The following PGS1 variants were observed in gnomAD, a reference collection of about 807,000 sequenced individuals.
PGS1 encodes the protein phosphatidylglycerophosphate synthase 1.
Under a neutral mutation model 58.3 loss-of-function variants are expected in PGS1, and 44 were observed. The ratio of observed to expected loss-of-function variants is 0.75; its 90% CI spans 0.59 to 0.97. PGS1 has a LOEUF of 0.97. Among genes scored for constraint, PGS1 ranks in the 50% least tolerant of loss-of-function variants. PGS1 has a pLI of 0.00. For synonymous variants in PGS1, 330 were observed against 311.0 expected (o/e 1.06, Z -0.64); for missense variants, 684 against 731.1 (o/e 0.94, Z 0.74).
At chr17:78,402,928 G>A (rs752427421) in intron 6 of PGS1, among the ~76,000 whole-genome samples, 4 of 152,006 alleles carry the variant, frequency 2.6e-5, no homozygotes, top group Non-Finnish European at 4.4e-5. Flanking sequence ...CCAGTGTCTT[G>A]TCCGAATACA....
chr17:78,423,348 G>T (rs1467236210), intron 9 of PGS1, among the ~76,000 whole-genome samples: 1 of 152,166 alleles, frequency 6.6e-6, no homozygotes, highest in East Asian at 1.9e-4. Context: ...TGGGGGCGGG[G>T]GCTTGGGTGT....
At chr17:78,415,177 G>C in intron 8 of PGS1, 150 bp downstream of exon 8, 3 of 868,886 alleles carry the variant, frequency 3.5e-6, no homozygotes, top group Non-Finnish European at 5.3e-6. Context: ...GTCTCCAAGA[G>C]TGCAGTGATG....
intron 8 of PGS1, among the ~76,000 whole-genome samples, chr17:78,415,476 C>A (rs2085101376): frequency 6.6e-6 from 1 of 152,102 alleles, no homozygotes; most frequent in Admixed American, 6.5e-5. Flanking sequence ...ACTAAAAATG[C>A]AAGAAAGTAG....
intron 9 of PGS1, among the ~76,000 whole-genome samples, chr17:78,422,947 T>A (rs1297964404): frequency 2.0e-5 from 3 of 151,982 alleles, no homozygotes; most frequent in Non-Finnish European, 4.4e-5. Flanking sequence ...AATAAAAAAA[T>A]TAGCTGCGTG....
At chr17:78,398,046 G>A (rs541868515) in intron 3 of PGS1, 10 of 638,342 alleles carry the variant, frequency 1.6e-5, no homozygotes, top group African/African-American at 5.4e-5. Context: ...GGCCTGGGCC[G>A]ATCAGGCCCC....
chr17:78,411,113 G>A (rs2084651937), intron 7 of PGS1, among the ~76,000 whole-genome samples: 1 of 152,228 alleles, frequency 6.6e-6, no homozygotes, highest in Non-Finnish European at 1.5e-5. Flanking sequence ...CAGTTGGCCT[G>A]AGTGAAGAGG....
chr17:78,384,226 A>T (rs573842042), intron 1 of PGS1, among the ~76,000 whole-genome samples: 1 of 152,158 alleles, frequency 6.6e-6, no homozygotes, highest in Non-Finnish European at 1.5e-5. Context: ...CGGACTTGTT[A>T]TGGGAGTTCA....
At chr17:78,387,541 T>C (rs1246671256) in intron 1 of PGS1, among the ~76,000 whole-genome samples, 1 of 151,322 alleles carries the variant, frequency 6.6e-6, no homozygotes, top group Non-Finnish European at 1.5e-5. Context: ...TCAGGTGATA[T>C]GCCCGCCTTG....
intron 7 of PGS1, among the ~76,000 whole-genome samples, chr17:78,412,442 A>T (rs1373945625): frequency 6.6e-6 from 1 of 152,194 alleles, no homozygotes; most frequent in Non-Finnish European, 1.5e-5. Context: ...ACAGATACGT[A>T]TACAGTCTAT....
chr17:78,409,391 G>A (rs2084432510), intron 7 of PGS1, among the ~76,000 whole-genome samples: 1 of 152,254 alleles, frequency 6.6e-6, no homozygotes, highest in South Asian at 2.1e-4. Flanking sequence ...AGGGAAATCT[G>A]TTAATGGTTG....
At chr17:78,386,808 T>C (rs2082415133) in intron 1 of PGS1, among the ~76,000 whole-genome samples, 1 of 152,084 alleles carries the variant, frequency 6.6e-6, no homozygotes, top group Non-Finnish European at 1.5e-5. Flanking sequence ...GGAGTTACAT[T>C]GTGGAAAGCC....
intron 7 of PGS1, among the ~76,000 whole-genome samples, chr17:78,412,522 G>A (rs867708207): frequency 2.0e-5 from 3 of 152,216 alleles, no homozygotes; most frequent in Non-Finnish European, 4.4e-5. Context: ...ACTGGAGGTG[G>A]CCTGTCTGCC....
chr17:78,379,519 A>T (rs1239873715), intron 1 of PGS1, among the ~76,000 whole-genome samples: 1 of 151,744 alleles, frequency 6.6e-6, no homozygotes, highest in Non-Finnish European at 1.5e-5. Flanking sequence ...TGCTAATATT[A>T]AAAAAAAGGG....
chr17:78,410,073 TGTACCCCAGTGTGG>T (rs2084502642), intron 7 of PGS1, among the ~76,000 whole-genome samples: 1 of 152,120 alleles, frequency 6.6e-6, no homozygotes, highest in African/African-American at 2.4e-5. Flanking sequence ...CTCGTGCCAC[TGTACCCCAGTGTGG>T]GTGAGACTCC....
chr17:78,404,197 C>G, intron 7 of PGS1, 108 bp downstream of exon 7: 1 of 1,228,488 alleles, frequency 8.1e-7, no homozygotes. Context: ...CTTCTCCCTT[C>G]CTACCTTCCC....
At chr17:78,385,552 G>A (rs1040130814) in intron 1 of PGS1, among the ~76,000 whole-genome samples, 2 of 152,220 alleles carry the variant, frequency 1.3e-5, no homozygotes, top group African/African-American at 4.8e-5. Context: ...GCCTCCCAAA[G>A]TGTTGGGATT....
chr17:78,403,873 A>G lies in PGS1; in HGVS notation c.1186A>G (p.Met396Val). Residue 396 changes from methionine to valine, a missense_variant, in exon 7 of 10, where the codon ATG becomes GTG. Coordinates refer to ENST00000262764, the MANE Select transcript of PGS1 (RefSeq NM_024419.5). ...CTATTTCAACCTGACCCAGGCCTAC[A>G]TGGACCTGGTCTTGGGCACTCGGGC... is the stretch of plus-strand genomic sequence containing the variant. ...TGYFNLTQAY[M>V]DLVLGTRAEY... The G allele has an allele frequency of 6.2e-7, 1 of 1,614,170 alleles. No individual in the cohort carries two copies. Among genetic ancestry groups the G allele is most frequent in the Non-Finnish European group, 8.5e-7 (1 of 1,179,986 alleles).
At chr17:78,418,118 T>C (rs1345561379) in intron 8 of PGS1, among the ~76,000 whole-genome samples, 1 of 151,664 alleles carries the variant, frequency 6.6e-6, no homozygotes, top group Non-Finnish European at 1.5e-5. Context: ...TTGGTAGAGA[T>C]GGGGTTTAAT....
At chr17:78,404,724 G>A (rs143594001) in intron 7 of PGS1, among the ~76,000 whole-genome samples, 49 of 152,222 alleles carry the variant, frequency 3.2e-4, no homozygotes, top group African/African-American at 1.1e-3. Flanking sequence ...GCAATGGTGC[G>A]ATCTTGGCTC....
Sources: gnomAD v4.1 joint callset for allele counts (sites outside exome capture counted in the v4.1 genomes callset) on GRCh38, gnomAD v4.1.1 for gene constraint, MANE v1.5 for transcripts, NCBI Gene and HGNC (gene_info 2026-07-23, HGNC 2026-07-21) for gene names.